ATRN: variants seen among roughly 807,000 people sequenced by gnomAD.
The protein encoded by ATRN is attractin-2.
A neutral mutation model predicts 178.7 loss-of-function variants in ATRN; 54 were observed. The observed-to-expected ratio is 0.30, with a 90% CI of 0.24 to 0.38. ATRN has a LOEUF of 0.38. Ranked by LOEUF, ATRN falls within the 10% of genes least tolerant of loss-of-function variation. The probability of loss-of-function intolerance (pLI) is 1.00; values close to 1 mark genes in which losing one functional copy is unlikely to be tolerated. For missense variants in ATRN, 1,443 were observed against 1,815.1 expected (o/e 0.79, Z 3.73); for synonymous variants, 636 against 663.0 (o/e 0.96, Z 0.63).
intron 6 of ATRN, among the ~76,000 whole-genome samples, chr20:3,554,674 G>A (rs2085842205): frequency 6.6e-6 from 1 of 152,010 alleles, no homozygotes; most frequent in African/African-American, 2.4e-5. Flanking sequence ...TTACATGAAA[G>A]TATTTTAGGA....
chr20:3,544,333 G>C, intron 3 of ATRN, among the ~76,000 whole-genome samples: 1 of 152,280 alleles, frequency 6.6e-6, no homozygotes, highest in South Asian at 2.1e-4. Context: ...GTTGCCATCT[G>C]AACAGTGCTG....
chr20:3,573,435 T>A (rs1300142794), intron 12 of ATRN, among the ~76,000 whole-genome samples: 1 of 152,238 alleles, frequency 6.6e-6, no homozygotes. Flanking sequence ...CCATATTGGA[T>A]GCAGATCTAA....
chr20:3,507,484 G>A (rs1267724938), intron 1 of ATRN, among the ~76,000 whole-genome samples: 1 of 151,808 alleles, frequency 6.6e-6, no homozygotes, highest in African/African-American at 2.4e-5. Flanking sequence ...GAGTTTGAAT[G>A]ATGTGGGACA....
At chr20:3,494,313 A>G (rs1386829799) in intron 1 of ATRN, among the ~76,000 whole-genome samples, 1 of 152,128 alleles carries the variant, frequency 6.6e-6, no homozygotes, top group African/African-American at 2.4e-5. Flanking sequence ...AGTAGGGGTA[A>G]GTTGGGGTTG....
At chr20:3,580,898 A>G (rs1457210895) in intron 15 of ATRN, among the ~76,000 whole-genome samples, 1 of 152,010 alleles carries the variant, frequency 6.6e-6, no homozygotes, top group African/African-American at 2.4e-5. Context: ...TTTCTTTTGG[A>G]TCTGTTTATT....
At chr20:3,539,097 G>A (rs1363625742) in intron 2 of ATRN, among the ~76,000 whole-genome samples, 1 of 152,146 alleles carries the variant, frequency 6.6e-6, no homozygotes, top group Non-Finnish European at 1.5e-5. Flanking sequence ...ACTTGTTTAT[G>A]TATTTATTTA....
chr20:3,528,011 G>A (rs2085394854), intron 1 of ATRN, among the ~76,000 whole-genome samples: 1 of 152,010 alleles, frequency 6.6e-6, no homozygotes, highest in Non-Finnish European at 1.5e-5. Flanking sequence ...TGGCACGTGT[G>A]TACCTGTGTA....
At chr20:3,497,634 T>A (rs1395718876) in intron 1 of ATRN, among the ~76,000 whole-genome samples, 1 of 152,138 alleles carries the variant, frequency 6.6e-6, no homozygotes, top group Non-Finnish European at 1.5e-5. Flanking sequence ...CTGACAATTA[T>A]GTGTCTTGGA....
At chr20:3,579,176 A>G (rs1041047318) in intron 15 of ATRN, among the ~76,000 whole-genome samples, 2 of 152,162 alleles carry the variant, frequency 1.3e-5, no homozygotes, top group African/African-American at 4.8e-5. Context: ...ATAAGACTGT[A>G]TAATTACCAC....
At chr20:3,644,798 A>C (rs1302158575) in intron 28 of ATRN, among the ~76,000 whole-genome samples, 2 of 152,248 alleles carry the variant, frequency 1.3e-5, no homozygotes, top group Non-Finnish European at 2.9e-5. Context: ...ACGATAACAT[A>C]AAGGAAACGT....
intron 23 of ATRN, among the ~76,000 whole-genome samples, chr20:3,601,371 CATT>C (rs2086605391): frequency 6.6e-6 from 1 of 152,204 alleles, no homozygotes; most frequent in Non-Finnish European, 1.5e-5. Flanking sequence ...GCACTACCAT[CATT>C]GTCTACATTC....
intron 24 of ATRN, among the ~76,000 whole-genome samples, chr20:3,617,983 C>A (rs1227716119): frequency 6.6e-6 from 1 of 152,220 alleles, no homozygotes; most frequent in Non-Finnish European, 1.5e-5. Flanking sequence ...CCTGCCTTCA[C>A]CCCGACGCAC....
At chr20:3,490,690 A>G (rs1488928717) in intron 1 of ATRN, 2 of 810,374 alleles carry the variant, frequency 2.5e-6, no homozygotes, top group African/African-American at 3.4e-5. Context: ...AGCTCCTCAA[A>G]TTTCACTGAC....
chr20:3,618,198 T>TA (rs1202498635), intron 24 of ATRN, among the ~76,000 whole-genome samples: 1 of 151,884 alleles, frequency 6.6e-6, no homozygotes. Context: ...GCACAGGAAC[T>TA]AACAGAGGCA....
chr20:3,597,221 A>G (rs764680438), intron 21 of ATRN, among the ~76,000 whole-genome samples: 1 of 151,994 alleles, frequency 6.6e-6, no homozygotes, highest in African/African-American at 2.4e-5. Context: ...AAAACCATCC[A>G]AAACATAAAA....
chr20:3,593,946 G>T (rs142483244), intron 19 of ATRN, among the ~76,000 whole-genome samples: 1 of 152,268 alleles, frequency 6.6e-6, no homozygotes, highest in African/African-American at 2.4e-5. Flanking sequence ...TGAAGCAAGG[G>T]TGGCATGTCC....
At chr20:3,573,177 T>G (rs1723595176) in intron 12 of ATRN, among the ~76,000 whole-genome samples, 1 of 152,196 alleles carries the variant, frequency 6.6e-6, no homozygotes, top group Admixed American at 6.5e-5. Flanking sequence ...GATAGAGACA[T>G]AACCGTTTTG....
intron 1 of ATRN, among the ~76,000 whole-genome samples, chr20:3,480,400 A>C (rs1262381489): frequency 6.6e-6 from 1 of 152,194 alleles, no homozygotes; most frequent in Non-Finnish European, 1.5e-5. Context: ...TGCTGTAAGG[A>C]ATTCACCTCA....
At chr20:3,475,641 A>T (rs1185510454) in intron 1 of ATRN, among the ~76,000 whole-genome samples, 2 of 152,214 alleles carry the variant, frequency 1.3e-5, no homozygotes, top group African/African-American at 4.8e-5. Flanking sequence ...TCGAAGGATA[A>T]ATATGCCCAT....
Sources: gnomAD v4.1 joint callset for allele counts (sites outside exome capture counted in the v4.1 genomes callset) on GRCh38, gnomAD v4.1.1 for gene constraint, MANE v1.5 for transcripts, NCBI Gene and HGNC (gene_info 2026-07-23, HGNC 2026-07-21) for gene names.